Variants in MALRD1 observed in about 807,000 individuals in gnomAD.
The protein encoded by MALRD1 is MAM and LDL-receptor class A domain-containing protein 1.
A neutral mutation model predicts 242.1 loss-of-function variants in MALRD1; 247 were observed. The ratio of observed to expected loss-of-function variants is 1.02; its 90% CI spans 0.92 to 1.13. MALRD1 has a LOEUF of 1.13. Among genes scored for constraint, MALRD1 ranks in the 50% most tolerant of loss-of-function variants. The pLI, the probability that MALRD1 is intolerant of heterozygous loss-of-function variation, is 0.00. For synonymous variants in MALRD1, 995 were observed against 866.6 expected, an observed-to-expected ratio of 1.15 and a Z score of -2.60; for missense variants, 2,989 against 2,533.1, an observed-to-expected ratio of 1.18 and a Z score of -3.86.
chr10:19,711,034 CT>C (rs1166792096), intron 38 of MALRD1: 1 of 152,182 alleles, frequency 6.6e-6, no homozygotes, highest in East Asian at 1.9e-4. Flanking sequence ...TTATTCAGCA[CT>C]TTTGACTAGT....
intron 21 of MALRD1, among the ~76,000 whole-genome samples, chr10:19,320,041 C>CTTTTTTTTTT (rs34481531): frequency 1.1e-4 from 8 of 73,072 alleles, no homozygotes; most frequent in Non-Finnish European, 1.4e-4. Context: ...TATAAAACTG[C>CTTTTTTTTTT]TTTTTTTTTT....
At chr10:19,282,933 C>T (rs988718335) in intron 20 of MALRD1, 86 bp from the exon 21 acceptor site, 9 of 931,572 alleles carry the variant, frequency 9.7e-6, no homozygotes, top group Non-Finnish European at 1.3e-5. Context: ...GAATTAAAAA[C>T]AAGAGTAAGA....
chr10:19,609,845 A>T (rs548248072), intron 35 of MALRD1, among the ~76,000 whole-genome samples: 3 of 152,152 alleles, frequency 2.0e-5, no homozygotes, highest in South Asian at 4.1e-4. Flanking sequence ...TATAATTATG[A>T]TAATCATTCA....
At chr10:19,605,484 TC>T (rs1352890905) in intron 34 of MALRD1, among the ~76,000 whole-genome samples, 3 of 122,058 alleles carry the variant, frequency 2.5e-5, no homozygotes, top group Admixed American at 8.1e-5. Flanking sequence ...TGTTTTTCTT[TC>T]TTTTTTTTTT....
At chr10:19,107,279 A>T (rs993230858) in intron 5 of MALRD1, among the ~76,000 whole-genome samples, 6 of 151,968 alleles carry the variant, frequency 3.9e-5, no homozygotes, top group Non-Finnish European at 7.4e-5. Context: ...TATACATCTA[A>T]TAATGTTTGC....
intron 32 of MALRD1, among the ~76,000 whole-genome samples, chr10:19,553,995 T>G (rs1457801857): frequency 2.0e-5 from 3 of 152,170 alleles, no homozygotes; most frequent in African/African-American, 4.8e-5. Context: ...CTCTAGGCAT[T>G]TAGGGTACAT....
intron 29 of MALRD1, among the ~76,000 whole-genome samples, chr10:19,477,750 A>G (rs1176651568): frequency 2.0e-5 from 3 of 152,166 alleles, no homozygotes; most frequent in African/African-American, 7.2e-5. Flanking sequence ...GCAGTGTCTG[A>G]TTTACACAGG....
chr10:19,379,342 T>G (rs533415789), intron 26 of MALRD1, among the ~76,000 whole-genome samples: 1 of 152,242 alleles, frequency 6.6e-6, no homozygotes, highest in South Asian at 2.1e-4. Flanking sequence ...ACTTATTTTG[T>G]GATAAATTTG....
intron 28 of MALRD1, among the ~76,000 whole-genome samples, chr10:19,392,789 A>G (rs530103088): frequency 9.2e-5 from 14 of 152,308 alleles, no homozygotes; most frequent in African/African-American, 3.4e-4. Flanking sequence ...TAACCTTTAA[A>G]AGGATGTAGT....
At chr10:19,580,924 T>C (rs530818905) in intron 33 of MALRD1, among the ~76,000 whole-genome samples, 1 of 152,262 alleles carries the variant, frequency 6.6e-6, no homozygotes, top group African/African-American at 2.4e-5. Flanking sequence ...TCTGAGTCTT[T>C]AGTCAAATAG....
chr10:19,171,699 T>G (rs1834968588), intron 13 of MALRD1, among the ~76,000 whole-genome samples: 1 of 143,100 alleles, frequency 7.0e-6, no homozygotes, highest in Non-Finnish European at 1.5e-5. Context: ...TGTGTATGTG[T>G]GTGTATATAT....
At chr10:19,579,486 A>G (rs1203295868) in intron 33 of MALRD1, among the ~76,000 whole-genome samples, 1 of 152,132 alleles carries the variant, frequency 6.6e-6, no homozygotes, top group Non-Finnish European at 1.5e-5. Flanking sequence ...ATACTAAGAG[A>G]AAGATCTGAT....
intron 33 of MALRD1, among the ~76,000 whole-genome samples, chr10:19,589,066 A>G (rs1486085561): frequency 1.3e-5 from 2 of 152,184 alleles, no homozygotes; most frequent in African/African-American, 4.8e-5. Flanking sequence ...TAAGCGTTGG[A>G]TTACTGAATA....
At chr10:19,306,034 ATATT>A (rs200520713) in intron 21 of MALRD1, among the ~76,000 whole-genome samples, 14,912 of 115,062 alleles carry the variant, frequency 0.13, 1,001 homozygotes, top group Non-Finnish European at 0.15. Flanking sequence ...ACTATACTAT[ATATT>A]ATATAGTATA....
At chr10:19,296,760 G>A (rs1841720783) in intron 21 of MALRD1, among the ~76,000 whole-genome samples, 1 of 151,978 alleles carries the variant, frequency 6.6e-6, no homozygotes, top group South Asian at 2.1e-4. Flanking sequence ...CCTTCATTAT[G>A]CATTGTACAA....
At chr10:19,547,814 ATATATTTTTTTTT>A (rs1286360790) in intron 32 of MALRD1, among the ~76,000 whole-genome samples, 1 of 13,906 alleles carries the variant, frequency 7.2e-5, no homozygotes, top group African/African-American at 2.3e-4. Context: ...ATATATATAT[ATATATTTTTTTTT>A]TTTTTTTTTT....
chr10:19,445,939 G>A (rs1263274395), intron 28 of MALRD1, among the ~76,000 whole-genome samples: 2 of 152,178 alleles, frequency 1.3e-5, no homozygotes, highest in East Asian at 3.9e-4. Context: ...GCTGTGGTGG[G>A]CTCCACCCAG....
At chr10:19,244,634 A>G (rs1438372010) in intron 18 of MALRD1, among the ~76,000 whole-genome samples, 1 of 152,182 alleles carries the variant, frequency 6.6e-6, no homozygotes, top group Admixed American at 6.6e-5. Flanking sequence ...GAGAGCTCCA[A>G]GGCTAATGAC....
At chr10:19,066,639 AC>A in intron 1 of MALRD1, 79 bp from the exon 2 acceptor site, 2 of 1,077,400 alleles carry the variant, frequency 1.9e-6, no homozygotes, top group Non-Finnish European at 1.2e-6. Context: ...TTGTTGCTAA[AC>A]TTTATTTTTC....
Sources: gnomAD v4.1 joint callset for allele counts (sites outside exome capture counted in the v4.1 genomes callset) on GRCh38, gnomAD v4.1.1 for gene constraint, MANE v1.5 for transcripts, NCBI Gene and HGNC (gene_info 2026-07-23, HGNC 2026-07-21) for gene names.